Variants in RASSF3 observed in about 807,000 individuals in gnomAD.
The protein encoded by RASSF3 is ras association domain-containing protein 3.
Under a neutral mutation model 19.9 loss-of-function variants are expected in RASSF3, and 19 were observed. The ratio of observed to expected loss-of-function variants is 0.96; its 90% confidence interval spans 0.67 to 1.40. The LOEUF (loss-of-function observed/expected upper bound fraction) is 1.40. Among genes scored for constraint, RASSF3 ranks in the 40% most tolerant of loss-of-function variants. The pLI, the probability that RASSF3 is intolerant of heterozygous loss-of-function variation, is 0.00. For synonymous variants in RASSF3, 110 were observed against 104.2 expected (o/e 1.06, Z -0.34); for missense variants, 306 against 289.8 (o/e 1.06, Z -0.41).
chr12:64,632,031 A>G (rs111830121), intron 1 of RASSF3, among the ~76,000 whole-genome samples: 2,467 of 152,270 alleles, frequency 0.016, 49 homozygotes, highest in Middle Eastern at 0.058. Flanking sequence ...CGTCTCTCCC[A>G]TCGTTGAGTG....
At chr12:64,675,400 T>G (rs1392967133) in intron 1 of RASSF3, among the ~76,000 whole-genome samples, 1 of 152,112 alleles carries the variant, frequency 6.6e-6, no homozygotes, top group Non-Finnish European at 1.5e-5. Context: ...TCCTCCCATC[T>G]CGGCCTCCCA....
chr12:64,670,555 T>TTG (rs1449116912), intron 1 of RASSF3, among the ~76,000 whole-genome samples: 1 of 151,482 alleles, frequency 6.6e-6, no homozygotes, highest in Non-Finnish European at 1.5e-5. Context: ...TTTTTTTTTT[T>TTG]TTTTTTGTGG....
rs1868805759 is a variant in RASSF3, at chr12:64,535,529, A to C, written c.67+2195A>C. ...ACAGGCACACGCCACCACATCAGCT[A>C]ATTTTTTGTATTTTTTTGTAGAGAC... On this transcript the variant is annotated intron_variant, in intron 1 of 1. Transcript: ENST00000636333. Among the ~76,000 whole-genome samples, 3 of 151,756 alleles carry C rather than the reference A, an allele frequency of 2.0e-5. No homozygotes were observed. The South Asian group carries it at 6.2e-4, about 32-fold the overall frequency.
At position 64,619,993 on chromosome 12, in the gene RASSF3, A is replaced by G. The variant is rs190980860; in HGVS notation, c.111+9250A>G. 4.0e-5 allele frequency among the ~76,000 whole-genome samples: 4 copies of G among 99,762 alleles called. No individual in the cohort carries two copies. The East Asian group carries it at 9.1e-4, about 23-fold the overall frequency. The allele number at this position is 99,762 out of a possible 152,430, so 65.4% of individuals were successfully genotyped here. On this transcript the variant is annotated intron_variant, in intron 1 of 4. Coordinates refer to ENST00000542104, the MANE Select transcript of RASSF3 (RefSeq NM_178169.4). Reference sequence around the variant, plus strand: ...AGACTTTATATCAAAAAAAAAAAAAAAAGAAATTAGTGCAGGTTGACTGTG... The same window carrying G: ...AGACTTTATATCAAAAAAAAAAAAAGAAGAAATTAGTGCAGGTTGACTGTG...
chr12:64,680,858 C>G (rs542524946), intron 1 of RASSF3, among the ~76,000 whole-genome samples: 1 of 152,070 alleles, frequency 6.6e-6, no homozygotes, highest in Non-Finnish European at 1.5e-5. Context: ...GTGATCCGCC[C>G]GCCTCGGCCT....
intron 2 of RASSF3, among the ~76,000 whole-genome samples, chr12:64,548,980 G>A (rs1161009783): frequency 6.6e-6 from 1 of 152,038 alleles, no homozygotes; most frequent in Non-Finnish European, 1.5e-5. Flanking sequence ...TTGTCTTCAA[G>A]GCCCTGAGAG....
Position 64,695,022 on chromosome 12 carries a change from G to A in RASSF3, c.*110G>A, listed in dbSNP as rs999662230. ...CTTGCCCCACTATGCTAGGGTCTTCGCCTTTCTATCTGTAGATTTTGTTCC... is the reference window on the plus strand; with the variant it reads ...CTTGCCCCACTATGCTAGGGTCTTCACCTTTCTATCTGTAGATTTTGTTCC... On this transcript the variant is annotated 3_prime_UTR_variant, in exon 5 of 5. Transcript: ENST00000542104. The A allele has an allele frequency of 1.1e-4, 129 of 1,198,796 alleles. No individual in the cohort carries two copies. The highest frequency in any genetic ancestry group is 2.4e-5 in the Non-Finnish European group (21 of 866,560). The allele number at this position is 1,198,796 out of a possible 1,614,324, so 74.3% of individuals were successfully genotyped here.
intron 1 of RASSF3, among the ~76,000 whole-genome samples, chr12:64,525,772 A>C (rs1445444919): frequency 1.3e-5 from 2 of 151,956 alleles, no homozygotes; most frequent in South Asian, 4.1e-4. Context: ...GGAGTTTCTT[A>C]TATTACTGTA....
intron 2 of RASSF3, among the ~76,000 whole-genome samples, chr12:64,579,474 T>C (rs1869651882): frequency 6.7e-6 from 1 of 149,996 alleles, no homozygotes; most frequent in Non-Finnish European, 1.5e-5. Context: ...CCTCAGCTTC[T>C]CCAGTAGTTG....
At position 64,636,234 on chromosome 12, in the gene RASSF3, A is replaced by C. The variant is rs12829660; in HGVS notation, c.111+25491A>C. On this transcript the variant is annotated intron_variant, in intron 1 of 4. Coordinates refer to ENST00000542104, the MANE Select transcript of RASSF3 (RefSeq NM_178169.4). ...CAGGTTCAAGCAATCCTCCCCGCTC[A>C]GCCTCCCAAGGCTCCCATTGCAAGC... is the stretch of plus-strand genomic sequence containing the variant. Among the ~76,000 whole-genome samples the C allele has an allele frequency of 6.7e-3, 1,021 of 151,882 alleles. 7 individuals are homozygous for C. Among genetic ancestry groups the C allele is most frequent in the Non-Finnish European group, 0.011 (740 of 67,974 alleles).
At chr12:64,559,161 C>T (rs913761285) in intron 2 of RASSF3, among the ~76,000 whole-genome samples, 7 of 152,136 alleles carry the variant, frequency 4.6e-5, no homozygotes, top group Non-Finnish European at 7.4e-5. Context: ...CTTAGTGATA[C>T]TGGTGCCCCT....
chr12:64,662,424 C>G (rs1430286434), intron 1 of RASSF3, among the ~76,000 whole-genome samples: 2 of 151,354 alleles, frequency 1.3e-5, no homozygotes, highest in South Asian at 4.2e-4. Flanking sequence ...CTGTCTCAAA[C>G]AAAGAAACAA....
At chr12:64,507,191 C>A (rs1320205340) in exon 1 of RASSF3, 7 of 398,538 alleles carry the variant, frequency 1.8e-5, no homozygotes, top group Non-Finnish European at 3.1e-5. Flanking sequence ...TTCTGGAACA[C>A]TCCTGGTTCT....
intron 1 of RASSF3, among the ~76,000 whole-genome samples, chr12:64,634,936 A>G (rs1871283518): frequency 6.7e-6 from 1 of 149,498 alleles, no homozygotes; most frequent in South Asian, 2.1e-4. Context: ...AAATCCATGC[A>G]TAGTTTCTTC....
intron 1 of RASSF3, among the ~76,000 whole-genome samples, chr12:64,639,464 G>T (rs116691426): frequency 6.9e-6 from 1 of 145,736 alleles, no homozygotes; most frequent in Non-Finnish European, 1.5e-5. Flanking sequence ...ACATTTTTGC[G>T]TGGCCTTAAA....
downstream of RASSF3, among the ~76,000 whole-genome samples, chr12:64,546,525 C>T (rs957261567): frequency 1.3e-5 from 2 of 152,176 alleles, no homozygotes; most frequent in African/African-American, 4.8e-5. Context: ...CCGCCTAGGC[C>T]CCCCAAAGTG....
At chr12:64,522,283 CAG>C (rs923152467) in intron 1 of RASSF3, among the ~76,000 whole-genome samples, 32 of 151,952 alleles carry the variant, frequency 2.1e-4, no homozygotes, top group African/African-American at 7.0e-4. Context: ...AAATAAAAAA[CAG>C]AAATTGCAAC....
At chr12:64,561,534 A>G (rs1460334873) in intron 2 of RASSF3, among the ~76,000 whole-genome samples, 3 of 152,058 alleles carry the variant, frequency 2.0e-5, no homozygotes, top group African/African-American at 7.2e-5. Flanking sequence ...CCTGGAGGCA[A>G]TAAAGTCCCA....
At chr12:64,546,492 G>A (rs1473526707), downstream of RASSF3, among the ~76,000 whole-genome samples, 2 of 152,064 alleles carry the variant, frequency 1.3e-5, no homozygotes, top group Non-Finnish European at 2.9e-5. Flanking sequence ...GGATGGTCTC[G>A]ATCTCCTGAC....
Sources: gnomAD v4.1 joint callset for allele counts (sites outside exome capture counted in the v4.1 genomes callset) on GRCh38, gnomAD v4.1.1 for gene constraint, MANE v1.5 for transcripts, NCBI Gene and HGNC (gene_info 2026-07-23, HGNC 2026-07-21) for gene names.